SUGCT: variants seen among roughly 807,000 people sequenced by gnomAD.
SUGCT encodes the protein succinyl-CoA:glutarate CoA-transferase.
A neutral mutation model predicts 55.0 loss-of-function variants in SUGCT; 41 were observed. That is an observed-to-expected ratio of 0.74 (90% CI 0.58 to 0.97). The LOEUF (loss-of-function observed/expected upper bound fraction) is 0.97. Among genes scored for constraint, SUGCT ranks in the 50% least tolerant of loss-of-function variants. SUGCT has a pLI of 0.00. For synonymous variants in SUGCT, 187 were observed against 200.4 expected (o/e 0.93, Z 0.56); for missense variants, 568 against 547.8 (o/e 1.04, Z -0.37).
chr7:40,988,364 A>C, the SUGCT span, among the ~76,000 whole-genome samples: 2 of 151,364 alleles, frequency 1.3e-5, no homozygotes, highest in East Asian at 3.9e-4. Context: ...GGGCTCCTTG[A>C]CTTATCCCTC....
At chr7:40,901,448 A>G in the SUGCT span, among the ~76,000 whole-genome samples, 1 of 152,218 alleles carries the variant, frequency 6.6e-6, no homozygotes, top group Admixed American at 6.5e-5. Context: ...ATGAGTCTTC[A>G]CAACACACAC....
chr7:40,518,493 G>T (rs1477073894), intron 12 of SUGCT, among the ~76,000 whole-genome samples: 1 of 152,096 alleles, frequency 6.6e-6, no homozygotes, highest in African/African-American at 2.4e-5. Flanking sequence ...ATGAACCAAT[G>T]TCAACTCAGA....
At chr7:40,515,284 AATC>A (rs1162004435) in intron 12 of SUGCT, among the ~76,000 whole-genome samples, 1 of 152,220 alleles carries the variant, frequency 6.6e-6, no homozygotes, top group African/African-American at 2.4e-5. Flanking sequence ...ATATGAATGG[AATC>A]ATACACTATG....
chr7:41,026,771 T>A, the SUGCT span, among the ~76,000 whole-genome samples: 15 of 152,300 alleles, frequency 9.8e-5, no homozygotes, highest in East Asian at 2.9e-3. Flanking sequence ...CGGTGGCTCA[T>A]GCCTATAATC....
chr7:40,397,756 C>A (rs1785818273), intron 9 of SUGCT, among the ~76,000 whole-genome samples: 1 of 152,138 alleles, frequency 6.6e-6, no homozygotes, highest in African/African-American at 2.4e-5. Flanking sequence ...AAAGAGCTTG[C>A]TGGTATTCTT....
At chr7:40,505,654 G>A (rs1251257464) in intron 12 of SUGCT, among the ~76,000 whole-genome samples, 2 of 151,832 alleles carry the variant, frequency 1.3e-5, no homozygotes, top group Non-Finnish European at 2.9e-5. Flanking sequence ...GTATGTGTGT[G>A]CATATATACA....
At chr7:40,393,629 G>A (rs1785560723) in intron 9 of SUGCT, among the ~76,000 whole-genome samples, 1 of 152,018 alleles carries the variant, frequency 6.6e-6, no homozygotes, top group South Asian at 2.1e-4. Flanking sequence ...TGAGAGGGAG[G>A]TGTTGAAGAT....
intron 13 of SUGCT, among the ~76,000 whole-genome samples, chr7:40,791,042 G>C (rs1298873613): frequency 6.6e-6 from 1 of 152,166 alleles, no homozygotes; most frequent in African/African-American, 2.4e-5. Context: ...AGAGCAGAGA[G>C]AGCTATTTTG....
rs763066886 is a variant in SUGCT, at chr7:40,374,325, G to T, written c.816+57470G>T. On this transcript the variant is annotated intron_variant, in intron 9 of 13. Transcript: ENST00000335693. Reference sequence around the variant, plus strand: ...AAATGACCCTGTGAGGTGGTAGGTGGTGTCATCCTCATTTTACAGATGAGG... The same window carrying T: ...AAATGACCCTGTGAGGTGGTAGGTGTTGTCATCCTCATTTTACAGATGAGG... 4.6e-5 allele frequency among the ~76,000 whole-genome samples: 7 copies of T among 152,236 alleles called. No homozygotes were observed. The East Asian group carries it at 9.7e-4, about 21-fold the overall frequency.
At chr7:40,799,218 C>T (rs181053375) in intron 13 of SUGCT, among the ~76,000 whole-genome samples, 4 of 152,150 alleles carry the variant, frequency 2.6e-5, no homozygotes, top group African/African-American at 4.8e-5. Context: ...CTTCAGTTCC[C>T]TAGAATTGGT....
At chr7:40,868,202 A>C in the SUGCT span, among the ~76,000 whole-genome samples, 2 of 152,218 alleles carry the variant, frequency 1.3e-5, no homozygotes, top group East Asian at 3.9e-4. Context: ...CTTCTAAAAA[A>C]CAAAACAAAA....
intron 11 of SUGCT, among the ~76,000 whole-genome samples, chr7:40,465,821 T>C (rs564787976): frequency 1.1e-4 from 16 of 152,172 alleles, no homozygotes; most frequent in Non-Finnish European, 1.8e-4. Flanking sequence ...TAAGCCACTA[T>C]GACCATTTCA....
intron 12 of SUGCT, among the ~76,000 whole-genome samples, chr7:40,575,760 AC>A (rs1335240677): frequency 6.6e-6 from 1 of 151,990 alleles, no homozygotes; most frequent in African/African-American, 2.4e-5. Flanking sequence ...AGCCTGGCCA[AC>A]ATAGTGAAAC....
chr7:40,645,603 C>T (rs17527624), intron 12 of SUGCT, among the ~76,000 whole-genome samples: 9,063 of 152,280 alleles, frequency 0.06, 295 homozygotes, highest in Non-Finnish European at 0.075. Context: ...TTTAAATACA[C>T]GCTCATGGTA....
chr7:40,320,534 A>G (rs1795670811), intron 9 of SUGCT, among the ~76,000 whole-genome samples: 1 of 152,348 alleles, frequency 6.6e-6, no homozygotes, highest in South Asian at 2.1e-4. Flanking sequence ...ATTATGTAAC[A>G]TAGTTGTCAG....
chr7:40,860,470 A>C lies in SUGCT; in HGVS notation c.1308A>C (p.Glu436Asp). Residue 436 changes from glutamate (E) to aspartate (D), a missense_variant, in exon 14 of 14, where the codon GAA becomes GAC. Coordinates refer to ENST00000335693, the MANE Select transcript of SUGCT (RefSeq NM_001193313.2). Reference sequence around the variant, plus strand: ...GCGCTGGAGTGGTGGACCAACATGAAACTCACTGACAAAGGAAAAGGGCTC... The same window carrying C: ...GCGCTGGAGTGGTGGACCAACATGACACTCACTGACAAAGGAAAAGGGCTC... ...LLSAGVVDQH[E>D]TH 2 of 1,610,566 alleles carry C rather than the reference A, an allele frequency of 1.2e-6. No individual in the cohort carries two copies. The highest frequency in any genetic ancestry group is 1.7e-6 in the Non-Finnish European group (2 of 1,177,330).
At chr7:40,348,159 T>C (rs1310769181) in intron 9 of SUGCT, among the ~76,000 whole-genome samples, 1 of 152,220 alleles carries the variant, frequency 6.6e-6, no homozygotes, top group Non-Finnish European at 1.5e-5. Flanking sequence ...CCACCCCCAC[T>C]TACAGACTGG....
chr7:40,997,105 G>T, the SUGCT span, among the ~76,000 whole-genome samples: 2 of 152,152 alleles, frequency 1.3e-5, no homozygotes, highest in Admixed American at 6.5e-5. Context: ...CCCTCATGTG[G>T]TTTGTGACCT....
intron 1 of SUGCT, among the ~76,000 whole-genome samples, chr7:40,167,866 C>T (rs1253629506): frequency 6.6e-6 from 1 of 152,120 alleles, no homozygotes; most frequent in Non-Finnish European, 1.5e-5. Flanking sequence ...TCAGTTTGAG[C>T]TATAAAAATC....
Sources: allele counts gnomAD v4.1 joint callset (sites outside exome capture counted in the v4.1 genomes callset), GRCh38; gene constraint gnomAD v4.1.1; transcripts MANE v1.5; gene names NCBI Gene and HGNC (gene_info 2026-07-23, HGNC 2026-07-21).